Variants in CSMD1 observed in about 807,000 individuals in gnomAD.
CSMD1 encodes the protein CUB and Sushi multiple domains 1, also known as CUB and sushi domain-containing protein 1.
In CSMD1, 213 loss-of-function variants were observed where a neutral mutation model predicts 417.5. The observed-to-expected ratio is 0.51, with a 90% CI of 0.46 to 0.57. The LOEUF (loss-of-function observed/expected upper bound fraction) is 0.57. CSMD1 is among the 20% of genes least tolerant of loss of function. The probability of loss-of-function intolerance (pLI) is 0.00; values close to 1 mark genes in which losing one functional copy is unlikely to be tolerated. For missense variants in CSMD1, 6,923 were observed against 4,529.7 expected (o/e 1.53, Z -15.17); for synonymous variants, 2,862 against 1,736.8 (o/e 1.65, Z -16.11).
At chr8:3,222,651 C>T (rs1161338825) in intron 28 of CSMD1, among the ~76,000 whole-genome samples, 1 of 152,056 alleles carries the variant, frequency 6.6e-6, no homozygotes, top group East Asian at 1.9e-4. Flanking sequence ...CCAGAGGTGC[C>T]TCCTAATTTT....
intron 6 of CSMD1, among the ~76,000 whole-genome samples, chr8:3,721,920 T>G (rs562637569): frequency 6.6e-6 from 1 of 152,136 alleles, no homozygotes; most frequent in Non-Finnish European, 1.5e-5. Context: ...GAAGTACTGA[T>G]GCATCTACAT....
chr8:4,568,157 T>A (rs1263533636), intron 2 of CSMD1, among the ~76,000 whole-genome samples: 1 of 152,148 alleles, frequency 6.6e-6, no homozygotes, highest in Non-Finnish European at 1.5e-5. Flanking sequence ...TTTAAAAAAA[T>A]ATATAAGTTA....
intron 3 of CSMD1, among the ~76,000 whole-genome samples, chr8:4,246,444 T>C (rs753782309): frequency 1.3e-5 from 2 of 152,188 alleles, no homozygotes; most frequent in Non-Finnish European, 2.9e-5. Flanking sequence ...TCCATTTTCT[T>C]CGTATGGTAC....
chr8:3,671,247 G>GAT (rs1233783815), intron 7 of CSMD1, among the ~76,000 whole-genome samples: 7 of 137,758 alleles, frequency 5.1e-5, no homozygotes, highest in African/African-American at 1.0e-4. Context: ...ATATGTGTGG[G>GAT]ATATATATAT....
At position 4,498,841 on chromosome 8, in the gene CSMD1, T is replaced by C. The variant is rs548448145; in HGVS notation, c.303-78776A>G. On this transcript the variant is annotated intron_variant, in intron 2 of 69. Transcript: ENST00000635120. ...GAGACTTGGCAGCTAAGGGTAATTG[T>C]CTTTGGTTTCTATGCTTACTACACC... Among the ~76,000 whole-genome samples the C allele has an allele frequency of 2.6e-5, 4 of 152,252 alleles. No individual in the cohort carries two copies. In the East Asian group the frequency reaches 7.7e-4, roughly 29 times the overall value.
At chr8:4,033,434 T>C (rs1343925440) in intron 3 of CSMD1, among the ~76,000 whole-genome samples, 1 of 152,148 alleles carries the variant, frequency 6.6e-6, no homozygotes, top group Non-Finnish European at 1.5e-5. Context: ...AGAGCGAGAC[T>C]CCGCCTCAAA....
intron 7 of CSMD1, among the ~76,000 whole-genome samples, chr8:3,642,970 C>T (rs185808073): frequency 4.6e-5 from 7 of 151,336 alleles, no homozygotes; most frequent in African/African-American, 1.7e-4. Flanking sequence ...TTAGGAAATT[C>T]AGGACACAGA....
At chr8:4,000,677 C>A (rs1216071969) in intron 4 of CSMD1, among the ~76,000 whole-genome samples, 1 of 152,068 alleles carries the variant, frequency 6.6e-6, no homozygotes, top group Non-Finnish European at 1.5e-5. Context: ...TTAAATAACT[C>A]TATATAAACA....
At chr8:3,439,514 T>C (rs1395069612) in intron 12 of CSMD1, among the ~76,000 whole-genome samples, 3 of 150,460 alleles carry the variant, frequency 2.0e-5, no homozygotes, top group African/African-American at 7.3e-5. Context: ...TGTCTGTGTG[T>C]GTGTGTGTAA....
chr8:4,712,722 T>C (rs1451090680), intron 1 of CSMD1, among the ~76,000 whole-genome samples: 3 of 152,180 alleles, frequency 2.0e-5, no homozygotes, highest in Admixed American at 6.5e-5. Context: ...CTCTCTCTCT[T>C]TTTTCACTTG....
chr8:3,863,446 C>T (rs557937685), intron 5 of CSMD1, among the ~76,000 whole-genome samples: 3 of 151,312 alleles, frequency 2.0e-5, no homozygotes, highest in African/African-American at 4.9e-5. Flanking sequence ...GTAGAATCTT[C>T]GTGACTTAGT....
intron 12 of CSMD1, among the ~76,000 whole-genome samples, chr8:3,410,876 G>C (rs73657841): frequency 6.6e-6 from 1 of 152,102 alleles, no homozygotes; most frequent in Non-Finnish European, 1.5e-5. Context: ...AAATTAATGT[G>C]ATTTGATGAT....
chr8:4,349,216 G>T (rs932085342), intron 3 of CSMD1, among the ~76,000 whole-genome samples: 1 of 152,198 alleles, frequency 6.6e-6, no homozygotes, highest in African/African-American at 2.4e-5. Flanking sequence ...ATGACTATAA[G>T]AAGGGCTTGT....
At chr8:4,379,778 C>A (rs935600002) in intron 3 of CSMD1, among the ~76,000 whole-genome samples, 1 of 152,094 alleles carries the variant, frequency 6.6e-6, no homozygotes, top group Admixed American at 6.5e-5. Context: ...CACTTTAGGT[C>A]CAAGTCCTCC....
rs148846405 is a variant in CSMD1 at position 3,505,539 on chromosome 8, A to T, written c.1345-11813T>A. ...AATGAAATAAAGCTGTATGACAATA[A>T]TAGGAATACGTCACCTCACAGAATT... On this transcript the variant is annotated intron_variant, in intron 10 of 69. Transcript: ENST00000635120. Among the ~76,000 whole-genome samples the T allele has an allele frequency of 7.2e-5, 11 of 152,326 alleles. No individual in the cohort carries two copies. The East Asian group carries it at 1.7e-3, about 24-fold the overall frequency.
chr8:3,331,689 C>T (rs926295847), intron 23 of CSMD1, among the ~76,000 whole-genome samples: 1 of 152,198 alleles, frequency 6.6e-6, no homozygotes, highest in Non-Finnish European at 1.5e-5. Flanking sequence ...ACCATGGCCC[C>T]CAAAGACACA....
In CSMD1 at chr8:4,086,904, G is replaced by C. The variant is rs577963471; in HGVS notation, c.416-54805C>G. Among the ~76,000 whole-genome samples, 6 of 152,318 alleles carry C rather than the reference G, an allele frequency of 3.9e-5. 1 individual carries two copies. In the South Asian group the frequency reaches 6.2e-4, roughly 16 times the overall value. On this transcript the variant is annotated intron_variant, in intron 3 of 69. Transcript: ENST00000635120. ...TGCAAGTAAATGTTGGCAACAATCA[G>C]GCAAGGGTTGAAGCTTGTTAAACTC...
chr8:3,241,589 A>T (rs916909852), intron 26 of CSMD1, among the ~76,000 whole-genome samples: 1 of 152,156 alleles, frequency 6.6e-6, no homozygotes, highest in Non-Finnish European at 1.5e-5. Context: ...TCTGATTTTC[A>T]GTGGGGTCCT....
chr8:3,247,291 A>C (rs1799942002), intron 26 of CSMD1, among the ~76,000 whole-genome samples: 1 of 152,122 alleles, frequency 6.6e-6, no homozygotes, highest in Non-Finnish European at 1.5e-5. Context: ...CTCCCTGGAG[A>C]GCATAGCTGA....
Sources: allele counts gnomAD v4.1 joint callset (sites outside exome capture counted in the v4.1 genomes callset), GRCh38; gene constraint gnomAD v4.1.1; transcripts MANE v1.5; gene names NCBI Gene and HGNC (gene_info 2026-07-23, HGNC 2026-07-21).